Variants in FAT3 observed in about 807,000 individuals in gnomAD.
The protein encoded by FAT3 is protocadherin Fat 3.
FAT3 carries 95 observed loss-of-function variants against 310.2 expected under a neutral mutation model. That is an observed-to-expected ratio of 0.31 (90% confidence interval 0.26 to 0.36). FAT3 has a LOEUF of 0.36. Ranked by LOEUF, FAT3 falls within the 10% of genes least tolerant of loss-of-function variation. The probability of loss-of-function intolerance (pLI) is 1.00; values close to 1 mark genes in which losing one functional copy is unlikely to be tolerated. For missense variants in FAT3, 5,408 were observed against 5,715.6 expected (o/e 0.95, Z 1.74); for synonymous variants, 2,314 against 2,192.9 (o/e 1.06, Z -1.54).
At chr11:92,647,835 T>C (rs1675149845) in intron 3 of FAT3, among the ~76,000 whole-genome samples, 2 of 152,182 alleles carry the variant, frequency 1.3e-5, no homozygotes, top group Admixed American at 1.3e-4. Context: ...AGAAATAGAT[T>C]GCTCCAGGAT....
Position 92,837,769 on chromosome 11 carries a change from C to G in FAT3, c.10331C>G (p.Pro3444Arg). 6.2e-7 allele frequency: 1 copy of G among 1,613,914 alleles called. No individual in the cohort carries two copies. Among genetic ancestry groups the G allele is most frequent in the Non-Finnish European group, 8.5e-7 (1 of 1,179,856 alleles). Residue 3444 changes from proline (P) to arginine (R), a missense_variant, in exon 17 of 28, where the codon CCG becomes CGG. By Grantham distance (103) the Pro-to-Arg change is moderately radical (BLOSUM62 -2). This residue lies in a region of FAT3 where 4,588 missense variants were observed against 4,809.8 expected (regional missense o/e 0.95). Coordinates refer to ENST00000525166, the MANE Select transcript of FAT3 (RefSeq NM_001367949.2). ...ATTTCTGATGTGAATGACAACAGCC[C>G]GGTGTTTACACCTGCCAACTATACT... is the stretch of plus-strand genomic sequence containing the variant. ...IDISDVNDNSPVFTPANYTAV... is the reference protein window; with the variant it reads ...IDISDVNDNSRVFTPANYTAV...
At position 92,563,721 on chromosome 11, in the gene FAT3, G is replaced by A. The variant is rs569789177; in HGVS notation, c.3607+38773G>A. Among the ~76,000 whole-genome samples the A allele has an allele frequency of 3.3e-5, 5 of 152,028 alleles. No homozygotes were observed. The South Asian group carries it at 1.0e-3, about 32-fold the overall frequency. On this transcript the variant is annotated intron_variant, in intron 3 of 27. Transcript: ENST00000525166. ...AAACTCTACAAGCCAGAAGAGAGTGGGGGCCAAAATTCAACATTCTTAAGG... is the reference window on the plus strand; with the variant it reads ...AAACTCTACAAGCCAGAAGAGAGTGAGGGCCAAAATTCAACATTCTTAAGG...
chr11:92,610,463 T>C (rs1940509864), intron 3 of FAT3, among the ~76,000 whole-genome samples: 1 of 152,206 alleles, frequency 6.6e-6, no homozygotes, highest in Admixed American at 6.5e-5. Flanking sequence ...AAAAACTGTC[T>C]TTAAGTTGAA....
chr11:92,722,766 C>T (rs926292765), intron 4 of FAT3, among the ~76,000 whole-genome samples: 7 of 152,180 alleles, frequency 4.6e-5, no homozygotes, highest in Admixed American at 2.6e-4. Context: ...GGCTCAATAC[C>T]ACATGGAAGC....
At chr11:92,683,510 C>A (rs1306861957) in intron 3 of FAT3, among the ~76,000 whole-genome samples, 1 of 152,258 alleles carries the variant, frequency 6.6e-6, no homozygotes. Flanking sequence ...TCCTGGGAAG[C>A]CTTTTCTTGC....
Position 92,890,658 on chromosome 11 carries a change from C to G in FAT3, c.13315C>G (p.Pro4439Ala), listed in dbSNP as rs200639726. 3.8e-5 allele frequency: 61 copies of G among 1,613,690 alleles called. No individual in the cohort carries two copies. The highest frequency in any genetic ancestry group is 4.5e-5 in the Non-Finnish European group (53 of 1,179,858). The change falls in exon 28 of 28, where the codon CCC (proline) becomes GCC (alanine). Residue 4439 changes from proline (P) to alanine (A), a missense_variant. Pro to Ala is a conservative substitution (Grantham distance 27, BLOSUM62 -1). Around this residue, in one of 5 missense-constraint regions of FAT3, gnomAD observed 649 missense variants for 666.2 expected, o/e 0.97. Coordinates refer to ENST00000525166, the MANE Select transcript of FAT3 (RefSeq NM_001367949.2). ...TTATGACATTGACAGTGAATACCCA[C>G]CCCCTCATGAAGAGGAGTTCTTGAG... ...GGYDIDSEYP[P>A]PHEEEFLSQD...
intron 2 of FAT3, among the ~76,000 whole-genome samples, chr11:92,422,850 G>A (rs185379353): frequency 7.5e-4 from 114 of 152,214 alleles, no homozygotes; most frequent in African/African-American, 2.6e-3. Flanking sequence ...GTAGATATTC[G>A]TTGCATGGCT....
At chr11:92,414,857 A>G (rs1950371981) in intron 2 of FAT3, among the ~76,000 whole-genome samples, 1 of 152,002 alleles carries the variant, frequency 6.6e-6, no homozygotes, top group Admixed American at 6.6e-5. Context: ...AAAAATACGA[A>G]AAGTTAGCCG....
At position 92,268,848 on chromosome 11, in the gene FAT3, T is replaced by C. The variant is rs75835399; in HGVS notation, c.-18+43674T>C. 3.1e-3 allele frequency among the ~76,000 whole-genome samples: 469 copies of C among 152,276 alleles called. 4 individuals carry two copies. Among genetic ancestry groups the C allele is most frequent in the African/African-American group, 0.011 (445 of 41,578 alleles). Reference sequence around the variant, plus strand: ...TTCCAACTAACAATTTTCCTCCTTTTAAGGAAAGGGGAAGAAAAAAGAAAC... The same window carrying C: ...TTCCAACTAACAATTTTCCTCCTTTCAAGGAAAGGGGAAGAAAAAAGAAAC... On this transcript the variant is annotated intron_variant, in intron 1 of 27. Coordinates refer to ENST00000525166, the MANE Select transcript of FAT3 (RefSeq NM_001367949.2).
chr11:92,694,334 C>A (rs1943877404), intron 3 of FAT3, among the ~76,000 whole-genome samples: 1 of 152,282 alleles, frequency 6.6e-6, no homozygotes, highest in Admixed American at 6.5e-5. Context: ...GAACTGTAAC[C>A]TGCAGAGGCT....
intron 1 of FAT3, among the ~76,000 whole-genome samples, chr11:92,343,704 T>G (rs1948334144): frequency 1.3e-5 from 2 of 152,224 alleles, no homozygotes; most frequent in East Asian, 1.9e-4. Context: ...GTCTCATTCT[T>G]CAGTCGAAAT....
chr11:92,815,427 G>A (rs765221559), intron 13 of FAT3, among the ~76,000 whole-genome samples: 2 of 151,914 alleles, frequency 1.3e-5, no homozygotes, highest in Admixed American at 6.6e-5. Context: ...CAAAAAATTC[G>A]CCGGGCGTGG....
intron 1 of FAT3, among the ~76,000 whole-genome samples, chr11:92,293,512 T>TTATATATATA (rs1195340265): frequency 1.6e-3 from 111 of 67,830 alleles, no homozygotes; most frequent in South Asian, 3.9e-3. Context: ...GAACCTCAGA[T>TTATATATATA]TATATATATA....
chr11:92,706,567 T>C lies in FAT3; in HGVS notation c.3669+9122T>C, dbSNP rs569920568. On this transcript the variant is annotated intron_variant, in intron 4 of 27. Coordinates refer to ENST00000525166, the MANE Select transcript of FAT3 (RefSeq NM_001367949.2). The stretch of plus-strand genomic sequence containing the variant: ...AAATCACATTTACATTCCACATCTC[T>C]CTATATTACATGTTGACAACTCCAT... Among the ~76,000 whole-genome samples the C allele has an allele frequency of 3.3e-5, 5 of 152,286 alleles. No individual in the cohort carries two copies. The East Asian group carries it at 9.6e-4, about 29-fold the overall frequency.
chr11:92,670,841 A>G (rs1943105017), intron 3 of FAT3, among the ~76,000 whole-genome samples: 2 of 152,196 alleles, frequency 1.3e-5, no homozygotes, highest in Admixed American at 1.3e-4. Context: ...GAGCTTATTC[A>G]CAGGCTAGGG....
intron 3 of FAT3, among the ~76,000 whole-genome samples, chr11:92,674,540 T>A (rs1182931592): frequency 6.6e-6 from 1 of 152,070 alleles, no homozygotes; most frequent in African/African-American, 2.4e-5. Context: ...TAATTTTTTT[T>A]AATGCAGAGT....
At chr11:92,870,189 C>T (rs992777420) in intron 22 of FAT3, among the ~76,000 whole-genome samples, 3 of 152,164 alleles carry the variant, frequency 2.0e-5, no homozygotes, top group Non-Finnish European at 2.9e-5. Flanking sequence ...TTAAAGCAGG[C>T]AACACACAAC....
chr11:92,450,175 C>T (rs1951319628), intron 2 of FAT3, among the ~76,000 whole-genome samples: 1 of 152,230 alleles, frequency 6.6e-6, no homozygotes, highest in African/African-American at 2.4e-5. Context: ...GTTGAGGTTT[C>T]ATTCATTGCC....
At chr11:92,846,202 A>G (rs999536397) in intron 19 of FAT3, among the ~76,000 whole-genome samples, 5 of 152,300 alleles carry the variant, frequency 3.3e-5, no homozygotes, top group Non-Finnish European at 7.3e-5. Context: ...TCAGGACAGG[A>G]CAGGGTAGAC....
Sources: gnomAD v4.1 joint callset for allele counts (sites outside exome capture counted in the v4.1 genomes callset) on GRCh38, gnomAD v4.1.1 for gene constraint, gnomAD v4.1.1 regional missense constraint, MANE v1.5 for transcripts, NCBI Gene and HGNC (gene_info 2026-07-23, HGNC 2026-07-21) for gene names.